NLRP5: variants seen among roughly 807,000 people sequenced by gnomAD.
NLRP5 encodes the protein NLR family pyrin domain containing 5.
Under a neutral mutation model 113.1 loss-of-function variants are expected in NLRP5, and 93 were observed. The observed-to-expected ratio is 0.82, with a 90% CI of 0.70 to 0.98. The LOEUF is 0.98. Ranked by LOEUF, NLRP5 falls within the 50% of genes least tolerant of loss-of-function variation. The pLI is 0.00. For synonymous variants in NLRP5, 751 were observed against 600.7 expected (o/e 1.25, Z -3.66); for missense variants, 1,808 against 1,514.3 (o/e 1.19, Z -3.22).
At chr19:56,000,458 G>A (rs1169143238) in intron 1 of NLRP5, among the ~76,000 whole-genome samples, 3 of 151,820 alleles carry the variant, frequency 2.0e-5, no homozygotes, top group Non-Finnish European at 2.9e-5. Context: ...TCCGACTCCC[G>A]GGTTCACACC....
chr19:56,040,724 C>T (rs899041775), intron 10 of NLRP5, among the ~76,000 whole-genome samples, 198 bp from the exon 11 acceptor site: 1 of 152,132 alleles, frequency 6.6e-6, no homozygotes, highest in African/African-American at 2.4e-5. Context: ...ACCCACAATA[C>T]TTAGAGTATT....
intron 3 of NLRP5, among the ~76,000 whole-genome samples, chr19:56,011,677 T>C (rs1982197414): frequency 6.6e-6 from 1 of 151,564 alleles, no homozygotes; most frequent in South Asian, 2.1e-4. Flanking sequence ...TAGATCTTTT[T>C]TCTTTTCCTA....
the NLRP5 span, among the ~76,000 whole-genome samples, chr19:55,990,032 T>C: frequency 1.3e-5 from 2 of 151,828 alleles, no homozygotes; most frequent in Non-Finnish European, 2.9e-5. Flanking sequence ...AATAACTTTT[T>C]TTTAAAGTAC....
chr19:55,987,066 G>A, the NLRP5 span, among the ~76,000 whole-genome samples: 1 of 152,242 alleles, frequency 6.6e-6, no homozygotes, highest in East Asian at 1.9e-4. Context: ...TCAGACATTC[G>A]GTCTAAAATA....
At chr19:56,020,541 A>T (rs454547) in intron 6 of NLRP5, 110 bp downstream of exon 6, 394 of 1,276,692 alleles carry the variant, frequency 3.1e-4, no homozygotes, top group Middle Eastern at 9.3e-4. Flanking sequence ...CCTTTCTTCA[A>T]TCTCATTTGT....
chr19:55,988,023 A>G, the NLRP5 span: 2 of 780,084 alleles, frequency 2.6e-6, no homozygotes, highest in East Asian at 5.4e-5. Flanking sequence ...CCCCTGAAAC[A>G]GAGCAACCCA....
In NLRP5 at chr19:56,053,828, C is replaced by A; in HGVS notation, c.3299+20C>A. On this transcript the variant is annotated intron_variant, in intron 13 of 14. Coordinates refer to ENST00000390649, the MANE Select transcript of NLRP5 (RefSeq NM_153447.4). ...ACTCGGGTAACTTCCTGGGGCGCCT[C>A]TTTGCGGGCCGGGCTGGGAGGAGGT... The A allele has an allele frequency of 6.2e-7, 1 of 1,609,044 alleles. No individual in the cohort carries two copies. Among genetic ancestry groups the A allele is most frequent in the Non-Finnish European group, 8.5e-7 (1 of 1,176,656 alleles).
intron 1 of NLRP5, among the ~76,000 whole-genome samples, chr19:56,003,240 CT>C (rs1330136151): frequency 6.6e-6 from 1 of 152,194 alleles, no homozygotes; most frequent in East Asian, 1.9e-4. Flanking sequence ...CAACCTTCGC[CT>C]TCCAGATTCA....
intron 9 of NLRP5, among the ~76,000 whole-genome samples, chr19:56,034,249 C>A (rs1020423904): frequency 6.6e-6 from 1 of 152,110 alleles, no homozygotes; most frequent in African/African-American, 2.4e-5. Context: ...ATTAGCCAGG[C>A]GTGGCAGCCA....
chr19:56,001,813 A>C (rs552621085), intron 1 of NLRP5, among the ~76,000 whole-genome samples: 44 of 152,290 alleles, frequency 2.9e-4, no homozygotes, highest in African/African-American at 1.0e-3. Context: ...CCCTCAGACA[A>C]TGACAAGCTG....
chr19:56,021,977 C>T (rs1337950868), intron 6 of NLRP5, among the ~76,000 whole-genome samples: 1 of 152,196 alleles, frequency 6.6e-6, no homozygotes, highest in East Asian at 1.9e-4. Flanking sequence ...GAGACAGCTT[C>T]AAGCTGGGCT....
intron 9 of NLRP5, among the ~76,000 whole-genome samples, chr19:56,034,965 G>A (rs1308712591): frequency 2.0e-5 from 3 of 152,122 alleles, no homozygotes; most frequent in Non-Finnish European, 2.9e-5. Context: ...TTTTGACTGA[G>A]TCTAGCTCAG....
Position 56,003,975 on chromosome 19 carries a change from T to C in NLRP5, c.322T>C (p.Cys108Arg), listed in dbSNP as rs374211594. The change falls in exon 2 of 15, where the codon TGT becomes CGT. Residue 108 changes from cysteine to arginine, a missense_variant. Transcript: ENST00000390649. ...TGAAATCGAGAATGCCAACGTGGAATGTCTGGCACTCCTCTTGCATGAGTA... is the reference window on the plus strand; with the variant it reads ...TGAAATCGAGAATGCCAACGTGGAACGTCTGGCACTCCTCTTGCATGAGTA... 5 of 1,613,896 alleles carry C rather than the reference T, an allele frequency of 3.1e-6. No individual in the cohort carries two copies. The highest frequency in any genetic ancestry group is 1.6e-4 in the Middle Eastern group (1 of 6,084).
chr19:56,035,624 C>T (rs1983282045), intron 9 of NLRP5, among the ~76,000 whole-genome samples: 1 of 152,204 alleles, frequency 6.6e-6, no homozygotes, highest in Non-Finnish European at 1.5e-5. Flanking sequence ...GGAAGTCTAA[C>T]GAATTTACCT....
At chr19:56,014,247 C>T (rs969743379) in intron 3 of NLRP5, among the ~76,000 whole-genome samples, 1 of 151,954 alleles carries the variant, frequency 6.6e-6, no homozygotes, top group African/African-American at 2.4e-5. Context: ...TTTGGGAGGC[C>T]AAGGCGGTGG....
At position 56,007,869 on chromosome 19, in the gene NLRP5, T is replaced by TTGTGTGTGTG. The variant is rs140570438; in HGVS notation, c.443-908_443-899dup. 8.7e-3 allele frequency among the ~76,000 whole-genome samples: 751 copies of TTGTGTGTGTG among 85,924 alleles called. 125 individuals carry two copies. The highest frequency in any genetic ancestry group is 0.023 in the African/African-American group (554 of 23,850). The allele number at this position is 85,924 out of a possible 152,430, so 56.4% of individuals were successfully genotyped here. A position where few individuals can be genotyped will look rare whatever the true frequency, so the allele number is the denominator to read the frequency against. On this transcript the variant is annotated intron_variant, in intron 2 of 14. Coordinates refer to ENST00000390649, the MANE Select transcript of NLRP5 (RefSeq NM_153447.4). Reference sequence around the variant, plus strand: ...ATGCTTCCAAAGTGTACAAGACAGTTTGTGTGTGTGTGTGTGTGTGCGCGT... The same window carrying TTGTGTGTGTG: ...ATGCTTCCAAAGTGTACAAGACAGTTTGTGTGTGTGTGTGTGTGTGTGTGTGTGTGCGCGT...
At chr19:56,016,926 A>G (rs748507610) in intron 4 of NLRP5, among the ~76,000 whole-genome samples, 9 of 152,104 alleles carry the variant, frequency 5.9e-5, no homozygotes, top group Non-Finnish European at 1.2e-4. Flanking sequence ...CTCCTGCCTC[A>G]GCCTCCCAAG....
At chr19:56,054,656 A>G (rs937559961) in intron 13 of NLRP5, among the ~76,000 whole-genome samples, 12 of 151,990 alleles carry the variant, frequency 7.9e-5, no homozygotes, top group African/African-American at 2.9e-4. Context: ...CAGCCACAAA[A>G]GGTCACCTGG....
Position 56,003,982 on chromosome 19 carries a change from C to T in NLRP5, c.329C>T (p.Ala110Val), listed in dbSNP as rs1981756480. The T allele has an allele frequency of 6.2e-7, 1 of 1,613,878 alleles. No individual in the cohort carries two copies. The highest frequency in any genetic ancestry group is 8.5e-7 in the Non-Finnish European group (1 of 1,179,900). ...GAGAATGCCAACGTGGAATGTCTGG[C>T]ACTCCTCTTGCATGAGTATTATGGA... The change falls in exon 2 of 15, where the codon GCA (alanine) becomes GTA (valine). Residue 110 changes from alanine to valine, a missense_variant. By Grantham distance (64) the Ala-to-Val change is moderately conservative (BLOSUM62 0). Coordinates refer to ENST00000390649, the MANE Select transcript of NLRP5 (RefSeq NM_153447.4).
Sources: gnomAD v4.1 joint callset for allele counts (sites outside exome capture counted in the v4.1 genomes callset) on GRCh38, gnomAD v4.1.1 for gene constraint, MANE v1.5 for transcripts, NCBI Gene and HGNC (gene_info 2026-07-23, HGNC 2026-07-21) for gene names.